Variants in KCTD1 observed in about 807,000 individuals in gnomAD.
KCTD1 encodes BTB/POZ domain-containing protein KCTD1.
KCTD1 carries 24 observed loss-of-function variants against 66.0 expected under a neutral mutation model. That is an observed-to-expected ratio of 0.36 (90% CI 0.26 to 0.51). The LOEUF is 0.51. Ranked by LOEUF, KCTD1 falls within the 20% of genes least tolerant of loss-of-function variation. The pLI is 0.95. For synonymous variants in KCTD1, 511 were observed against 517.2 expected (o/e 0.99, Z 0.16); for missense variants, 943 against 1,205.2 (o/e 0.78, Z 3.22).
chr18:26,568,365 T>C (rs1343250975), intron 1 of KCTD1, among the ~76,000 whole-genome samples: 1 of 152,026 alleles, frequency 6.6e-6, no homozygotes, highest in Non-Finnish European at 1.5e-5. Flanking sequence ...GCCTCTTGAG[T>C]ACCTGGGACT....
At chr18:26,473,536 C>T (rs1019044499) in intron 3 of KCTD1, among the ~76,000 whole-genome samples, 1 of 151,078 alleles carries the variant, frequency 6.6e-6, no homozygotes, top group African/African-American at 2.4e-5. Context: ...ACCTGCACAT[C>T]CTGCACATGC....
chr18:26,635,324 G>A (rs1309342764), intron 1 of KCTD1, among the ~76,000 whole-genome samples: 1 of 152,178 alleles, frequency 6.6e-6, no homozygotes, highest in East Asian at 1.9e-4. Flanking sequence ...GTGCCCACAG[G>A]ACTAGGGTGA....
At chr18:26,507,237 G>T (rs1438569226) in intron 1 of KCTD1, among the ~76,000 whole-genome samples, 1 of 152,184 alleles carries the variant, frequency 6.6e-6, no homozygotes, top group Non-Finnish European at 1.5e-5. Flanking sequence ...TATCATTTTG[G>T]ACAGTGTAGT....
intron 1 of KCTD1, among the ~76,000 whole-genome samples, chr18:26,572,650 G>A (rs1408803298): frequency 1.3e-5 from 2 of 152,218 alleles, no homozygotes; most frequent in African/African-American, 4.8e-5. Flanking sequence ...GGACTGCAAA[G>A]TAGACTATGG....
At chr18:26,527,482 C>CAA (rs1342328848) in intron 1 of KCTD1, among the ~76,000 whole-genome samples, 1 of 62,890 alleles carries the variant, frequency 1.6e-5, no homozygotes, top group Admixed American at 1.9e-4. Flanking sequence ...AGGGCTACTG[C>CAA]AAAAAAAAAA....
chr18:26,594,593 G>A (rs1384602714), intron 1 of KCTD1, among the ~76,000 whole-genome samples: 1 of 152,172 alleles, frequency 6.6e-6, no homozygotes, highest in East Asian at 1.9e-4. Context: ...GAGAGTATCT[G>A]CTCCTTTCAA....
At chr18:26,574,015 T>C (rs1429296113) in intron 1 of KCTD1, among the ~76,000 whole-genome samples, 1 of 152,178 alleles carries the variant, frequency 6.6e-6, no homozygotes. Context: ...AAACCCCTTC[T>C]TGAGAGCCAC....
At chr18:26,652,240 T>G (rs1475218991) in intron 1 of KCTD1, among the ~76,000 whole-genome samples, 2 of 152,234 alleles carry the variant, frequency 1.3e-5, no homozygotes, top group Admixed American at 1.3e-4. Context: ...GTTAGAGAGA[T>G]GACATCGTTC....
intron 1 of KCTD1, among the ~76,000 whole-genome samples, chr18:26,635,185 C>G (rs1987698618): frequency 6.6e-6 from 1 of 151,952 alleles, no homozygotes; most frequent in South Asian, 2.1e-4. Context: ...TTTCTTGTCC[C>G]TTAAATGTTG....
rs1979980238 is a variant in KCTD1 at position 26,455,110 on chromosome 18, C to G, written c.*633G>C. On this transcript the variant is annotated 3_prime_UTR_variant, in exon 5 of 5. Coordinates refer to ENST00000580059, the MANE Select transcript of KCTD1 (RefSeq NM_001142730.3). Reference sequence around the variant, plus strand: ...TTGGCAAAACTGATCAGTTTTAAAACAAAGTAAAGTTCACATCTGTGAGGT... The same window carrying G: ...TTGGCAAAACTGATCAGTTTTAAAAGAAAGTAAAGTTCACATCTGTGAGGT... 6.6e-6 allele frequency: 1 copy of G among 152,570 alleles called. No individual in the cohort carries two copies. The highest frequency in any genetic ancestry group is 2.4e-5 in the African/African-American group (1 of 41,440). The allele number at this position is 152,570 out of a possible 1,614,324, so 9.5% of individuals were successfully genotyped here.
intron 1 of KCTD1, among the ~76,000 whole-genome samples, chr18:26,587,785 C>T (rs1431933936): frequency 6.6e-6 from 1 of 152,148 alleles, no homozygotes; most frequent in Non-Finnish European, 1.5e-5. Flanking sequence ...AGCAAGAGAA[C>T]TAGAATTAGA....
chr18:26,653,795 G>A (rs559686780), intron 1 of KCTD1, among the ~76,000 whole-genome samples: 48 of 152,194 alleles, frequency 3.2e-4, no homozygotes, highest in Non-Finnish European at 5.3e-4. Flanking sequence ...AAAAGCCAGA[G>A]CGAGTTGTGT....
intron 1 of KCTD1, among the ~76,000 whole-genome samples, chr18:26,635,157 A>G (rs7227800): frequency 0.067 from 10,176 of 152,122 alleles, 686 homozygotes; most frequent in East Asian, 0.29. Flanking sequence ...AATATTATTT[A>G]TCTCAATTTC....
chr18:26,524,662 AC>A (rs1984072487), intron 1 of KCTD1, among the ~76,000 whole-genome samples: 1 of 152,222 alleles, frequency 6.6e-6, no homozygotes, highest in African/African-American at 2.4e-5. Flanking sequence ...TGTGGTATGT[AC>A]ATATATGTTT....
intron 1 of KCTD1, among the ~76,000 whole-genome samples, chr18:26,509,184 T>C (rs1318763960): frequency 6.7e-6 from 1 of 150,346 alleles, no homozygotes; most frequent in Non-Finnish European, 1.5e-5. Flanking sequence ...AACTCGGCAG[T>C]GATTCAAAAT....
At chr18:26,624,183 T>C (rs1313566899) in intron 1 of KCTD1, among the ~76,000 whole-genome samples, 1 of 152,156 alleles carries the variant, frequency 6.6e-6, no homozygotes, top group Admixed American at 6.5e-5. Flanking sequence ...TTTGGAAAAT[T>C]TGCAGCCTAA....
intron 1 of KCTD1, among the ~76,000 whole-genome samples, chr18:26,565,505 T>C (rs902539567): frequency 6.6e-6 from 1 of 152,218 alleles, no homozygotes; most frequent in Non-Finnish European, 1.5e-5. Context: ...CAATGGTACA[T>C]TGAAAAGTTT....
At chr18:26,617,157 T>C (rs1279451564) in intron 1 of KCTD1, among the ~76,000 whole-genome samples, 1 of 152,206 alleles carries the variant, frequency 6.6e-6, no homozygotes, top group Non-Finnish European at 1.5e-5. Context: ...CTGTGAGTAG[T>C]GGACTCATGC....
At chr18:26,651,064 A>G (rs935965819) in intron 1 of KCTD1, among the ~76,000 whole-genome samples, 2 of 152,204 alleles carry the variant, frequency 1.3e-5, no homozygotes, top group South Asian at 2.1e-4. Flanking sequence ...ACCAATTCAC[A>G]TGTTCTGATC....
Sources: gnomAD v4.1 joint callset for allele counts (sites outside exome capture counted in the v4.1 genomes callset) on GRCh38, gnomAD v4.1.1 for gene constraint, MANE v1.5 for transcripts, NCBI Gene and HGNC (gene_info 2026-07-23, HGNC 2026-07-21) for gene names.